The following SEPHS1 variants were observed in gnomAD, a reference collection of about 807,000 sequenced individuals.
The protein encoded by SEPHS1 is selenophosphate synthetase 1.
A neutral mutation model predicts 39.2 loss-of-function variants in SEPHS1; 7 were observed. That is an observed-to-expected ratio of 0.18 (90% CI 0.10 to 0.34). The LOEUF (loss-of-function observed/expected upper bound fraction) is 0.34. Ranked by LOEUF, SEPHS1 falls within the 10% of genes least tolerant of loss-of-function variation. The pLI is 1.00. For synonymous variants in SEPHS1, 190 were observed against 195.5 expected, an observed-to-expected ratio of 0.97 and a Z score of 0.23; for missense variants, 253 against 514.5, an observed-to-expected ratio of 0.49 and a Z score of 4.92.
intron 5 of SEPHS1, among the ~76,000 whole-genome samples, chr10:13,330,219 G>A (rs140394395): frequency 6.6e-6 from 1 of 152,246 alleles, no homozygotes; most frequent in East Asian, 1.9e-4. Context: ...TTTCACTACA[G>A]ACCCACTAGC....
At position 13,334,029 on chromosome 10, in the gene SEPHS1, AG is replaced by A; in HGVS notation, c.406-59del. The A allele has an allele frequency of 2.7e-6, 4 of 1,483,826 alleles. No homozygotes were observed. The South Asian group carries it at 4.9e-5, about 18-fold the overall frequency. The allele number at this position is 1,483,826 out of a possible 1,614,324, so 91.9% of individuals were successfully genotyped here. On this transcript the variant is annotated intron_variant, in intron 4 of 8. Transcript: ENST00000327347. ...AAGAATTCTGTTCAAAACCCAGAAA[AG>A]AAGGTTTTTACACTTACAGTTATAA...
At chr10:13,338,596 A>G (rs1014719176) in intron 3 of SEPHS1, 109 bp downstream of exon 3, 4 of 816,658 alleles carry the variant, frequency 4.9e-6, no homozygotes, top group East Asian at 2.5e-5. Context: ...TAGTCGGGAT[A>G]TAACAGAAAT....
Position 13,336,734 on chromosome 10 carries a change from C to G in SEPHS1, c.298-384G>C, listed in dbSNP as rs376858900. The stretch of plus-strand genomic sequence containing the variant: ...GGGGAAGAGCTATGGAGCGAAAAAG[C>G]CTGCAAACAACTCTCCTAAAGAAAA... On this transcript the variant is annotated intron_variant, in intron 3 of 8. Transcript: ENST00000327347. Among the ~76,000 whole-genome samples the G allele has an allele frequency of 3.4e-4, 52 of 152,280 alleles. 1 individual carries two copies. In the South Asian group the frequency reaches 0.011, roughly 32 times the overall value.
At chr10:13,325,463 G>A (rs1833237574) in intron 7 of SEPHS1, among the ~76,000 whole-genome samples, 1 of 152,148 alleles carries the variant, frequency 6.6e-6, no homozygotes, top group Non-Finnish European at 1.5e-5. Flanking sequence ...AGATCTGATG[G>A]TTTTGTAAGT....
At chr10:13,347,544 G>A (rs1193064906) in intron 1 of SEPHS1, among the ~76,000 whole-genome samples, 2 of 146,816 alleles carry the variant, frequency 1.4e-5, no homozygotes, top group African/African-American at 4.9e-5. Context: ...CCCAGGAGCC[G>A]GGGAGGACGC....
chr10:13,326,848 G>T (rs1055193219), intron 7 of SEPHS1, among the ~76,000 whole-genome samples: 8 of 152,180 alleles, frequency 5.3e-5, no homozygotes, highest in African/African-American at 1.9e-4. Flanking sequence ...TTTCTTACAA[G>T]TAACAACAAA....
At chr10:13,333,671 C>T in intron 5 of SEPHS1, 146 bp downstream of exon 5, 2 of 736,572 alleles carry the variant, frequency 2.7e-6, no homozygotes, top group Non-Finnish European at 2.2e-6. Flanking sequence ...AAACTCCTGA[C>T]CTCAGGTGAT....
rs75395788 is a variant in SEPHS1, at chr10:13,337,818, C to G, written c.297+887G>C. Among the ~76,000 whole-genome samples, 701 of 152,294 alleles carry G rather than the reference C, an allele frequency of 4.6e-3. 2 individuals carry two copies. The highest frequency in any genetic ancestry group is 0.016 in the African/African-American group (648 of 41,570). ...AAGAGTATTGCTCCAGAGGAGAAAACGGACAGATGTGCGGAAGAAATATAG... is the reference window on the plus strand; with the variant it reads ...AAGAGTATTGCTCCAGAGGAGAAAAGGGACAGATGTGCGGAAGAAATATAG... On this transcript the variant is annotated intron_variant, in intron 3 of 8. Transcript: ENST00000327347.
At chr10:13,331,150 C>A (rs1833455257) in intron 5 of SEPHS1, among the ~76,000 whole-genome samples, 1 of 152,208 alleles carries the variant, frequency 6.6e-6, no homozygotes, top group South Asian at 2.1e-4. Context: ...CATCTCCCTG[C>A]AAAGTACATG....
chr10:13,333,735 T>C, intron 5 of SEPHS1, 82 bp downstream of exon 5: 1 of 1,445,474 alleles, frequency 6.9e-7, no homozygotes, highest in Non-Finnish European at 9.6e-7. Context: ...CCACTGCACC[T>C]GACCTTAATA....
intron 7 of SEPHS1, among the ~76,000 whole-genome samples, chr10:13,325,050 T>G (rs1338225488): frequency 6.6e-6 from 1 of 152,214 alleles, no homozygotes. Flanking sequence ...TTGTATATTT[T>G]GGATACCTGA....
chr10:13,347,871 C>G (rs2130710745), intron 1 of SEPHS1, 129 bp downstream of exon 1: 1 of 144,868 alleles, frequency 6.9e-6, no homozygotes, highest in African/African-American at 2.5e-5. Flanking sequence ...GCTGGCGGGG[C>G]CGGCGGCGCG....
At chr10:13,335,823 T>C (rs190220309) in intron 4 of SEPHS1, among the ~76,000 whole-genome samples, 4 of 150,618 alleles carry the variant, frequency 2.7e-5, no homozygotes, top group African/African-American at 9.8e-5. Context: ...CTAATAAAAA[T>C]ACACAAAATA....
At chr10:13,328,479 G>C (rs747832382) in intron 6 of SEPHS1, 29 bp from the exon 7 acceptor site, 2 of 1,442,874 alleles carry the variant, frequency 1.4e-6, no homozygotes, top group South Asian at 1.2e-5. Context: ...GTGAGGGAGA[G>C]AAAGAGAGGA....
intron 7 of SEPHS1, among the ~76,000 whole-genome samples, chr10:13,324,247 T>C (rs945817971): frequency 6.6e-6 from 1 of 152,174 alleles, no homozygotes; most frequent in Non-Finnish European, 1.5e-5. Context: ...CATCTTTTCA[T>C]GGCTTGATAG....
chr10:13,344,962 C>G lies in SEPHS1; in HGVS notation c.-12G>C. The G allele has an allele frequency of 6.6e-7, 1 of 1,510,230 alleles. No homozygotes were observed. The highest frequency in any genetic ancestry group is 8.9e-7 in the Non-Finnish European group (1 of 1,121,330). The allele number at this position is 1,510,230 out of a possible 1,614,324, so 93.6% of individuals were successfully genotyped here. On this transcript the variant is annotated 5_prime_UTR_variant, in exon 2 of 9. Coordinates refer to ENST00000327347, the MANE Select transcript of SEPHS1 (RefSeq NM_012247.5). ...TCCCGCGTAGACATGGTTCTTGGGC[C>G]CCGCTCTCCTCACAGCTCAGCCCCT...
chr10:13,335,359 A>G (rs1447593904), intron 4 of SEPHS1, among the ~76,000 whole-genome samples: 1 of 152,216 alleles, frequency 6.6e-6, no homozygotes, highest in Non-Finnish European at 1.5e-5. Flanking sequence ...TACTATGGCC[A>G]AAACTTTATT....
chr10:13,345,606 G>A (rs1833898731), intron 1 of SEPHS1: 1 of 152,194 alleles, frequency 6.6e-6, no homozygotes, highest in African/African-American at 2.4e-5. Context: ...CACAAGGATG[G>A]GCGTGGTGGC....
At chr10:13,331,048 T>C (rs1279775482) in intron 5 of SEPHS1, among the ~76,000 whole-genome samples, 3 of 152,096 alleles carry the variant, frequency 2.0e-5, no homozygotes, top group African/African-American at 7.2e-5. Context: ...AGTGTTCTCA[T>C]TGTTCAACTC....
Sources: gnomAD v4.1 joint callset for allele counts (sites outside exome capture counted in the v4.1 genomes callset) on GRCh38, gnomAD v4.1.1 for gene constraint, MANE v1.5 for transcripts, NCBI Gene and HGNC (gene_info 2026-07-23, HGNC 2026-07-21) for gene names.